Variants in PTPN4 observed in about 807,000 individuals in gnomAD.
PTPN4 encodes protein tyrosine phosphatase non-receptor type 4, also known as tyrosine-protein phosphatase non-receptor type 4.
Under a neutral mutation model 135.5 loss-of-function variants are expected in PTPN4, and 49 were observed. The ratio of observed to expected loss-of-function variants is 0.36; its 90% confidence interval spans 0.29 to 0.46. PTPN4 has a LOEUF of 0.46. Ranked by LOEUF, PTPN4 falls within the 20% of genes least tolerant of loss-of-function variation. The pLI, the probability that PTPN4 is intolerant of heterozygous loss-of-function variation, is 1.00. For synonymous variants in PTPN4, 333 were observed against 369.9 expected, an observed-to-expected ratio of 0.90 and a Z score of 1.14; for missense variants, 860 against 1,101.0, an observed-to-expected ratio of 0.78 and a Z score of 3.10.
At chr2:119,927,848 C>A (rs898715610) in intron 13 of PTPN4, among the ~76,000 whole-genome samples, 4 of 152,110 alleles carry the variant, frequency 2.6e-5, no homozygotes, top group African/African-American at 9.7e-5. Flanking sequence ...ATCTAAGAGA[C>A]CTTCCTTCTT....
chr2:119,795,549 G>A (rs542036078), intron 1 of PTPN4, among the ~76,000 whole-genome samples: 39 of 152,328 alleles, frequency 2.6e-4, no homozygotes, highest in South Asian at 8.3e-4. Flanking sequence ...GACAGCACCC[G>A]GGCTTGGCCT....
intron 10 of PTPN4, among the ~76,000 whole-genome samples, chr2:119,912,281 G>T (rs1297906464): frequency 1.3e-5 from 2 of 152,188 alleles, no homozygotes; most frequent in African/African-American, 4.8e-5. Context: ...GGGTTGCTGT[G>T]TTGGAGTTCT....
chr2:119,800,840 G>GT (rs1268936142), intron 1 of PTPN4, among the ~76,000 whole-genome samples: 1 of 151,646 alleles, frequency 6.6e-6, no homozygotes, highest in African/African-American at 2.4e-5. Flanking sequence ...CTGTTGAATT[G>GT]TTTTTGTACC....
At position 119,946,352 on chromosome 2, in the gene PTPN4, T is replaced by C; in HGVS notation, c.1527T>C (p.Gly509=). Residue 509 remains glycine (G), a synonymous_variant, in exon 17 of 27, where the codon GGT becomes GGC. Transcript: ENST00000263708. The stretch of plus-strand genomic sequence containing the variant: ...TTTGTCTTTTTAAGCCTAATGGTGG[T>C]ATTCCACATGATAATCTTGTCCTAA... ...SSPEKPTPNG[G]IPHDNLVLIR... is the part of the protein sequence containing the mutation. 1 of 1,605,114 alleles carries C rather than the reference T, an allele frequency of 6.2e-7. No individual in the cohort carries two copies. The highest frequency in any genetic ancestry group is 8.5e-7 in the Non-Finnish European group (1 of 1,175,942).
At chr2:119,936,961 T>C (rs1363573187) in intron 15 of PTPN4, among the ~76,000 whole-genome samples, 1 of 152,318 alleles carries the variant, frequency 6.6e-6, no homozygotes, top group East Asian at 1.9e-4. Context: ...ATAAGCTTAA[T>C]AATAATAACT....
In PTPN4 at chr2:119,779,654, T is replaced by G. The variant is rs1690901441; in HGVS notation, c.-18+19270T>G. Among the ~76,000 whole-genome samples the G allele has an allele frequency of 5.9e-5, 9 of 151,988 alleles. No individual in the cohort carries two copies. The South Asian group carries it at 1.9e-3, about 32-fold the overall frequency. ...AAAAAAGATCAGCTATCGAGGATACTTTTTCGGTGGGTAATTGATTGATGA... is the reference window on the plus strand; with the variant it reads ...AAAAAAGATCAGCTATCGAGGATACGTTTTCGGTGGGTAATTGATTGATGA... On this transcript the variant is annotated intron_variant, in intron 1 of 26. Coordinates refer to ENST00000263708, the MANE Select transcript of PTPN4 (RefSeq NM_002830.4).
chr2:119,795,507 G>A (rs1379409937), intron 1 of PTPN4, among the ~76,000 whole-genome samples: 1 of 152,258 alleles, frequency 6.6e-6, no homozygotes, highest in Non-Finnish European at 1.5e-5. Flanking sequence ...TGTCAGTACT[G>A]CTTCTGGTGT....
chr2:119,935,076 A>C, intron 15 of PTPN4, 118 bp downstream of exon 15: 1 of 1,203,648 alleles, frequency 8.3e-7, no homozygotes, highest in South Asian at 1.5e-5. Flanking sequence ...AACTTTTCAA[A>C]ATGTGTATGT....
chr2:119,851,771 G>A (rs1009415667), intron 2 of PTPN4, among the ~76,000 whole-genome samples: 1 of 152,098 alleles, frequency 6.6e-6, no homozygotes, highest in Non-Finnish European at 1.5e-5. Context: ...GTTAACAGCT[G>A]TAGATTATCA....
chr2:119,837,468 T>G (rs1234025186), intron 2 of PTPN4, among the ~76,000 whole-genome samples: 1 of 151,936 alleles, frequency 6.6e-6, no homozygotes, highest in Non-Finnish European at 1.5e-5. Flanking sequence ...GTGGGTCTCC[T>G]GAGAGCTATG....
intron 26 of PTPN4, among the ~76,000 whole-genome samples, chr2:119,975,308 G>A (rs1452130080): frequency 1.3e-5 from 2 of 152,074 alleles, no homozygotes; most frequent in Admixed American, 6.6e-5. Context: ...TAGACACAGG[G>A]TCTTGCTGTG....
chr2:119,961,221 G>GAAGTCTTTAC (rs149056902), intron 23 of PTPN4, among the ~76,000 whole-genome samples: 1 of 151,994 alleles, frequency 6.6e-6, no homozygotes, highest in Non-Finnish European at 1.5e-5. Flanking sequence ...CGTATATACA[G>GAAGTCTTTAC]AACTCTACAG....
At chr2:119,761,138 C>G (rs1189556501) in intron 1 of PTPN4, among the ~76,000 whole-genome samples, 2 of 152,130 alleles carry the variant, frequency 1.3e-5, no homozygotes, top group Non-Finnish European at 2.9e-5. Context: ...TAAGAGGTTT[C>G]AGTAATACTA....
At position 119,760,182 on chromosome 2, in the gene PTPN4, C is replaced by A; in HGVS notation, c.-220C>A. On this transcript the variant is annotated 5_prime_UTR_variant, in exon 1 of 27. Transcript: ENST00000263708. ...GCTGCCCGCCTCCCTGCCACCTCCC[C>A]AGCGGCGCCGGCCCGCGGCTGCCCA... The A allele has an allele frequency of 2.5e-6, 1 of 394,380 alleles. No homozygotes were observed. The highest frequency in any genetic ancestry group is 1.3e-4 in the South Asian group (1 of 7,522). 24.4% of individuals were successfully genotyped at this position (394,380 alleles called of 1,614,324 possible).
At chr2:119,797,969 CAT>C (rs2104940418) in intron 1 of PTPN4, among the ~76,000 whole-genome samples, 1 of 151,994 alleles carries the variant, frequency 6.6e-6, no homozygotes, top group Non-Finnish European at 1.5e-5. Flanking sequence ...TAACTTTTTA[CAT>C]ATTTTTTGAA....
intron 1 of PTPN4, among the ~76,000 whole-genome samples, chr2:119,773,889 A>G (rs997979169): frequency 2.0e-5 from 3 of 152,248 alleles, no homozygotes; most frequent in Non-Finnish European, 2.9e-5. Context: ...CAGACCATAC[A>G]TGGTATCATT....
intron 12 of PTPN4, among the ~76,000 whole-genome samples, chr2:119,921,350 T>C (rs1177941854): frequency 1.3e-5 from 2 of 152,318 alleles, no homozygotes; most frequent in East Asian, 3.9e-4. Flanking sequence ...ATTCATGTTA[T>C]ATGTTCATGA....
chr2:119,962,168 A>G (rs1271618977), intron 23 of PTPN4, among the ~76,000 whole-genome samples: 2 of 152,162 alleles, frequency 1.3e-5, no homozygotes, highest in Non-Finnish European at 2.9e-5. Flanking sequence ...CAAAGAAAAA[A>G]TGTCGGCTGG....
At chr2:119,918,268 C>T (rs760949176) in intron 11 of PTPN4, among the ~76,000 whole-genome samples, 3 of 152,108 alleles carry the variant, frequency 2.0e-5, no homozygotes, top group Non-Finnish European at 4.4e-5. Context: ...ATCTTAATGA[C>T]CTTTTGATGG....
Sources: allele counts gnomAD v4.1 joint callset (sites outside exome capture counted in the v4.1 genomes callset), GRCh38; gene constraint gnomAD v4.1.1; transcripts MANE v1.5; gene names NCBI Gene and HGNC (gene_info 2026-07-23, HGNC 2026-07-21).